The following FAM81A variants were observed in gnomAD, a reference collection of about 807,000 sequenced individuals.
FAM81A encodes the protein protein FAM81A.
FAM81A carries 19 observed loss-of-function variants against 46.7 expected under a neutral mutation model. The ratio of observed to expected loss-of-function variants is 0.41; its 90% CI spans 0.28 to 0.60. The LOEUF (loss-of-function observed/expected upper bound fraction) is 0.60, where lower values mean the gene tolerates loss of function less well. FAM81A is among the 20% of genes least tolerant of loss of function. The pLI is 0.34. For synonymous variants in FAM81A, 183 were observed against 152.9 expected, an observed-to-expected ratio of 1.20 and a Z score of -1.45; for missense variants, 377 against 453.5, an observed-to-expected ratio of 0.83 and a Z score of 1.53.
At chr15:59,426,373 G>A (rs946123515) in intron 2 of FAM81A, among the ~76,000 whole-genome samples, 4 of 152,120 alleles carry the variant, frequency 2.6e-5, no homozygotes, top group Admixed American at 1.3e-4. Context: ...TTGGGAGACC[G>A]AGGTGGGCGA....
rs1166025615 is a variant in FAM81A at position 59,460,504 on chromosome 15, G to A, written c.294+298G>A. 1.1e-5 allele frequency: 5 copies of A among 452,902 alleles called. No individual in the cohort carries two copies. The highest frequency in any genetic ancestry group is 6.0e-5 in the African/African-American group (3 of 50,354). 28.1% of individuals were successfully genotyped at this position (452,902 alleles called of 1,614,324 possible). A position where few individuals can be genotyped will look rare whatever the true frequency, so the allele number is the denominator to read the frequency against. On this transcript the variant is annotated intron_variant, in intron 3 of 8. Coordinates refer to ENST00000288228, the MANE Select transcript of FAM81A (RefSeq NM_152450.3). The surrounding 1 kb of genome is among the most constrained non-coding windows in gnomAD (Gnocchi z 4.4). ...TAATGAAGAGAGAGAAGAACTAGTC[G>A]AATAGTTTCACTCTATAATCTTTCA...
intron 3 of FAM81A, among the ~76,000 whole-genome samples, chr15:59,470,294 G>A (rs1164922468): frequency 6.6e-6 from 1 of 152,206 alleles, no homozygotes; most frequent in East Asian, 1.9e-4. Context: ...ATCCTGAAGA[G>A]TGTTTTCCAA....
intron 3 of FAM81A, among the ~76,000 whole-genome samples, chr15:59,474,833 A>T (rs2081745319): frequency 6.6e-6 from 1 of 152,086 alleles, no homozygotes; most frequent in African/African-American, 2.4e-5. Flanking sequence ...CATGTGGCAA[A>T]ACTCCAAAAA....
intron 3 of FAM81A, among the ~76,000 whole-genome samples, chr15:59,486,958 G>A (rs2081923906): frequency 6.6e-6 from 1 of 151,770 alleles, no homozygotes; most frequent in Admixed American, 6.6e-5. Flanking sequence ...AAAACTCACT[G>A]GTAATAGTAA....
chr15:59,400,183 C>G (rs1345620588), intron 1 of FAM81A, among the ~76,000 whole-genome samples: 1 of 152,108 alleles, frequency 6.6e-6, no homozygotes, highest in Non-Finnish European at 1.5e-5. Context: ...CTCTTGCCCC[C>G]CAATTCATTC....
intron 5 of FAM81A, 50 bp from the exon 6 acceptor site, chr15:59,508,813 G>A (rs367779634): frequency 3.0e-6 from 4 of 1,350,972 alleles, no homozygotes; most frequent in Non-Finnish European, 4.2e-6. Flanking sequence ...TTCTGAAGTT[G>A]CATCTGAAGA....
chr15:59,453,808 G>C (rs1238313875), intron 1 of FAM81A, among the ~76,000 whole-genome samples: 2 of 152,034 alleles, frequency 1.3e-5, no homozygotes, highest in Non-Finnish European at 2.9e-5. Context: ...TAGGGAGGGA[G>C]GCAAGAGGAG....
At chr15:59,454,702 T>C (rs2081461531) in intron 1 of FAM81A, among the ~76,000 whole-genome samples, 2 of 152,170 alleles carry the variant, frequency 1.3e-5, no homozygotes, top group Admixed American at 1.3e-4. Context: ...CATGGCTCAC[T>C]GCAGCCTTGA....
At chr15:59,492,165 T>C (rs752170495) in intron 3 of FAM81A, 106 bp from the exon 4 acceptor site, 5 of 775,192 alleles carry the variant, frequency 6.5e-6, no homozygotes, top group African/African-American at 3.5e-5. Flanking sequence ...GAGTCTCTTA[T>C]GAAAGACTGA....
chr15:59,432,688 G>C (rs2081225655), intron 2 of FAM81A, among the ~76,000 whole-genome samples: 1 of 152,168 alleles, frequency 6.6e-6, no homozygotes, highest in South Asian at 2.1e-4. Flanking sequence ...AAGAAATAAA[G>C]TACTACAAGT....
intron 3 of FAM81A, among the ~76,000 whole-genome samples, chr15:59,484,111 C>T (rs1272550374): frequency 1.3e-5 from 2 of 152,158 alleles, no homozygotes; most frequent in Non-Finnish European, 2.9e-5. Flanking sequence ...AGTCACATAG[C>T]ATCTAATGGG....
At chr15:59,436,222 G>A (rs1346182540), upstream of FAM81A, among the ~76,000 whole-genome samples, 3 of 152,180 alleles carry the variant, frequency 2.0e-5, no homozygotes, top group Admixed American at 1.3e-4. Flanking sequence ...CTACCTTTGA[G>A]AGTGAGGGAG....
intron 3 of FAM81A, among the ~76,000 whole-genome samples, chr15:59,464,413 G>A (rs1188914414): frequency 2.0e-5 from 3 of 152,172 alleles, no homozygotes; most frequent in South Asian, 2.1e-4. Flanking sequence ...CATAGTGGCT[G>A]TACTAGTTTA....
rs547735623 is a variant in FAM81A at position 59,422,128 on chromosome 15, T to C, written c.-78+19770T>C. On this transcript the variant is annotated intron_variant, in intron 2 of 4. Transcript: ENST00000558348. ...TGGGCCAGGCACAGTGGCTCATGTC[T>C]GTAATCCTAGCACTTTGGGAGTCCG... 9.2e-5 allele frequency among the ~76,000 whole-genome samples: 14 copies of C among 152,298 alleles called. No individual in the cohort carries two copies. The East Asian group carries it at 2.7e-3, about 29-fold the overall frequency.
intron 4 of FAM81A, among the ~76,000 whole-genome samples, 186 bp from the exon 5 acceptor site, chr15:59,507,027 T>G (rs1227159447): frequency 6.6e-6 from 1 of 152,206 alleles, no homozygotes; most frequent in Non-Finnish European, 1.5e-5. Flanking sequence ...TTAAGCAACA[T>G]CCCTGTGGTT....
chr15:59,447,049 A>G lies in FAM81A; in HGVS notation c.-78+8767A>G, dbSNP rs562279573. ...TAATTGTGAAAATAGCACACTTGTTAAAGTATTTTGAAAATAAGGAAAAGC... is the reference window on the plus strand; with the variant it reads ...TAATTGTGAAAATAGCACACTTGTTGAAGTATTTTGAAAATAAGGAAAAGC... On this transcript the variant is annotated intron_variant, in intron 1 of 8. Transcript: ENST00000288228. Among the ~76,000 whole-genome samples, 10 of 152,336 alleles carry G rather than the reference A, an allele frequency of 6.6e-5. No individual in the cohort carries two copies. The South Asian group carries it at 1.7e-3, about 25-fold the overall frequency.
chr15:59,427,758 T>G (rs565154739), intron 2 of FAM81A, among the ~76,000 whole-genome samples: 3 of 152,258 alleles, frequency 2.0e-5, no homozygotes, highest in Non-Finnish European at 2.9e-5. Context: ...TATGGCTAAA[T>G]AGTATTCCAT....
At chr15:59,428,522 G>A (rs1407170685) in intron 2 of FAM81A, among the ~76,000 whole-genome samples, 1 of 149,810 alleles carries the variant, frequency 6.7e-6, no homozygotes, top group Non-Finnish European at 1.5e-5. Context: ...TGCTTCTCAG[G>A]CCTCAGCCTC....
chr15:59,441,680 C>A (rs914027866), intron 1 of FAM81A, among the ~76,000 whole-genome samples: 66 of 152,324 alleles, frequency 4.3e-4, no homozygotes, highest in African/African-American at 1.6e-3. Flanking sequence ...TTCCTTGGTC[C>A]CTGCCCTGCG....
Sources: allele counts gnomAD v4.1 joint callset (sites outside exome capture counted in the v4.1 genomes callset), GRCh38; gene constraint gnomAD v4.1.1; non-coding constraint Gnocchi (gnomAD v3.1); transcripts MANE v1.5; gene names NCBI Gene and HGNC (gene_info 2026-07-23, HGNC 2026-07-21).